STXBP5: variants seen among roughly 807,000 people sequenced by gnomAD.
STXBP5 encodes the protein syntaxin-binding protein 5.
In STXBP5, 50 loss-of-function variants were observed where a neutral mutation model predicts 152.4. The ratio of observed to expected loss-of-function variants is 0.33; its 90% CI spans 0.26 to 0.42. The LOEUF (loss-of-function observed/expected upper bound fraction) is 0.42. Ranked by LOEUF, STXBP5 falls within the 10% of genes least tolerant of loss-of-function variation. STXBP5 has a pLI of 1.00. For missense variants in STXBP5, 1,167 were observed against 1,388.6 expected (o/e 0.84, Z 2.54); for synonymous variants, 492 against 494.7 (o/e 0.99, Z 0.07).
chr6:147,266,616 A>G (rs920815099), intron 6 of STXBP5, among the ~76,000 whole-genome samples: 3 of 152,080 alleles, frequency 2.0e-5, no homozygotes, highest in Non-Finnish European at 2.9e-5. Flanking sequence ...AATATAATTA[A>G]TTCAGTTTGG....
chr6:147,328,644 C>A, intron 18 of STXBP5: 1 of 457,246 alleles, frequency 2.2e-6, no homozygotes, highest in Non-Finnish European at 4.5e-6. Context: ...CCAACCATAC[C>A]ATTCTAGTAT....
intron 8 of STXBP5, among the ~76,000 whole-genome samples, chr6:147,282,571 G>A (rs1780753281): frequency 6.6e-6 from 1 of 152,162 alleles, no homozygotes; most frequent in East Asian, 1.9e-4. Context: ...TAATGACTCT[G>A]CGGTTATTTC....
intron 15 of STXBP5, among the ~76,000 whole-genome samples, 193 bp downstream of exon 15, chr6:147,315,928 T>C (rs1782620162): frequency 6.6e-6 from 1 of 152,178 alleles, no homozygotes; most frequent in Admixed American, 6.5e-5. Context: ...TTTAAATCCT[T>C]AAGTATAGGA....
At chr6:147,311,363 T>A in intron 10 of STXBP5, 92 bp from the exon 11 acceptor site, 6 of 1,067,630 alleles carry the variant, frequency 5.6e-6, no homozygotes, top group Non-Finnish European at 8.5e-6. Flanking sequence ...CTCAAGAGAA[T>A]GAAACTAAAT....
chr6:147,240,484 T>G (rs1311354786), intron 4 of STXBP5, among the ~76,000 whole-genome samples: 1 of 152,164 alleles, frequency 6.6e-6, no homozygotes, highest in Non-Finnish European at 1.5e-5. Context: ...ATTTTGAATC[T>G]TATAGGAATA....
rs1782599277 is a variant in STXBP5, at chr6:147,315,538, C to T, written c.1426C>T (p.Leu476=). ...SAITLQVLYK[L]KTSKVFEKSR... The stretch of plus-strand genomic sequence containing the variant: ...AGTAACTCTACAAGTATTATATAAG[C>T]TAAAGACATCTAAAGTATTTGAAAA... Residue 476 remains leucine, a synonymous_variant, in exon 15 of 28, where the codon CTA becomes TTA. Transcript: ENST00000321680. 4 of 1,610,804 alleles carry T rather than the reference C, an allele frequency of 2.5e-6. No individual in the cohort carries two copies. The African/African-American group carries it at 5.4e-5, about 22-fold the overall frequency.
chr6:147,364,742 C>T (rs1004465375), intron 25 of STXBP5, among the ~76,000 whole-genome samples: 1 of 152,058 alleles, frequency 6.6e-6, no homozygotes, highest in Non-Finnish European at 1.5e-5. Context: ...TTAGCTTTAC[C>T]TTCCAAAGTA....
At chr6:147,227,755 T>A (rs1281282868) in intron 2 of STXBP5, among the ~76,000 whole-genome samples, 1 of 152,170 alleles carries the variant, frequency 6.6e-6, no homozygotes, top group Admixed American at 6.5e-5. Flanking sequence ...ATATAAACTT[T>A]TAGTTTGATT....
At chr6:147,368,528 G>A (rs1391742234) in intron 25 of STXBP5, among the ~76,000 whole-genome samples, 2 of 152,136 alleles carry the variant, frequency 1.3e-5, no homozygotes, top group Non-Finnish European at 2.9e-5. Flanking sequence ...ATTTAGTGAT[G>A]AAATACTTAA....
intron 18 of STXBP5, among the ~76,000 whole-genome samples, chr6:147,333,696 C>T (rs1018530186): frequency 6.6e-6 from 1 of 152,164 alleles, no homozygotes; most frequent in Admixed American, 6.5e-5. Context: ...AATGTGACAT[C>T]ATGTCTTTTA....
intron 18 of STXBP5, among the ~76,000 whole-genome samples, chr6:147,332,937 C>T (rs1161163723): frequency 6.6e-6 from 1 of 152,088 alleles, no homozygotes; most frequent in Non-Finnish European, 1.5e-5. Context: ...ACTCAAACCT[C>T]AAAGTGGTTT....
At chr6:147,337,475 T>A (rs1783888893) in intron 19 of STXBP5, among the ~76,000 whole-genome samples, 1 of 152,038 alleles carries the variant, frequency 6.6e-6, no homozygotes, top group Non-Finnish European at 1.5e-5. Flanking sequence ...CAGTAGTAAG[T>A]ATTTTTAGTT....
intron 9 of STXBP5, among the ~76,000 whole-genome samples, chr6:147,297,792 G>A (rs554550175): frequency 6.6e-6 from 1 of 152,066 alleles, no homozygotes; most frequent in South Asian, 2.1e-4. Flanking sequence ...GCTTAAAATA[G>A]TCTGTTGTAA....
intron 26 of STXBP5, among the ~76,000 whole-genome samples, chr6:147,375,986 C>T (rs537901794): frequency 8.7e-4 from 133 of 152,170 alleles, no homozygotes; most frequent in African/African-American, 3.1e-3. Context: ...CTTGCCATCA[C>T]ACTAAAGGGA....
intron 8 of STXBP5, among the ~76,000 whole-genome samples, chr6:147,290,025 C>T (rs1351251243): frequency 1.3e-5 from 2 of 152,096 alleles, no homozygotes; most frequent in Non-Finnish European, 2.9e-5. Context: ...CATGGTAAAA[C>T]CCCATCTGTC....
intron 9 of STXBP5, among the ~76,000 whole-genome samples, chr6:147,295,494 A>C (rs1419154964): frequency 6.6e-6 from 1 of 152,156 alleles, no homozygotes; most frequent in Non-Finnish European, 1.5e-5. Context: ...CAGACAACTA[A>C]AATTTGACTA....
At chr6:147,370,526 C>A (rs1437595179) in intron 25 of STXBP5, among the ~76,000 whole-genome samples, 25 of 151,916 alleles carry the variant, frequency 1.6e-4, no homozygotes, top group Non-Finnish European at 2.9e-5. Flanking sequence ...CAGTATTATT[C>A]TTAACTGTAC....
chr6:147,205,222 T>C (rs1039178972), intron 1 of STXBP5, among the ~76,000 whole-genome samples: 2 of 152,112 alleles, frequency 1.3e-5, no homozygotes, highest in Non-Finnish European at 2.9e-5. Flanking sequence ...GGCACGATAA[T>C]TGCCATAGCG....
chr6:147,385,392 T>C lies in STXBP5; in HGVS notation c.*637T>C, dbSNP rs1373060432. 6.6e-6 allele frequency: 1 copy of C among 152,138 alleles called. No individual in the cohort carries two copies. Among genetic ancestry groups the C allele is most frequent in the African/African-American group, 2.4e-5 (1 of 41,450 alleles). The allele number at this position is 152,138 out of a possible 1,614,324, so 9.4% of individuals were successfully genotyped here. On this transcript the variant is annotated 3_prime_UTR_variant, in exon 28 of 28. Transcript: ENST00000321680. ...CTCTTGGATTCTTGTTATTATAGACTTGTATTTAGTTCATATTTTGTCAAA... is the reference window on the plus strand; with the variant it reads ...CTCTTGGATTCTTGTTATTATAGACCTGTATTTAGTTCATATTTTGTCAAA...
Sources: allele counts gnomAD v4.1 joint callset (sites outside exome capture counted in the v4.1 genomes callset), GRCh38; gene constraint gnomAD v4.1.1; transcripts MANE v1.5; gene names NCBI Gene and HGNC (gene_info 2026-07-23, HGNC 2026-07-21).